Variants in SNRNP200 observed in about 807,000 individuals in gnomAD.
SNRNP200 encodes the protein small nuclear ribonucleoprotein U5 subunit 200, also known as U5 small nuclear ribonucleoprotein 200 kDa helicase.
SNRNP200 carries 66 observed loss-of-function variants against 255.2 expected under a neutral mutation model. That is an observed-to-expected ratio of 0.26 (90% CI 0.21 to 0.32). The LOEUF (loss-of-function observed/expected upper bound fraction) is 0.32. SNRNP200 is among the 10% of genes least tolerant of loss of function. SNRNP200 has a pLI of 1.00. For missense variants in SNRNP200, 1,585 were observed against 2,749.8 expected (o/e 0.58, Z 9.47); for synonymous variants, 939 against 1,027.8 (o/e 0.91, Z 1.65).
At chr2:96,302,834 G>C (rs537889308) in intron 3 of SNRNP200, among the ~76,000 whole-genome samples, 1 of 152,224 alleles carries the variant, frequency 6.6e-6, no homozygotes, top group East Asian at 1.9e-4. Flanking sequence ...AGATGGAAGA[G>C]GTACACAGGG....
chr2:96,275,303 T>C lies in SNRNP200; in HGVS notation c.6221A>G (p.Asn2074Ser). 1 of 1,614,044 alleles carries C rather than the reference T, an allele frequency of 6.2e-7. No individual in the cohort carries two copies. The highest frequency in any genetic ancestry group is 1.1e-5 in the South Asian group (1 of 91,082). The part of the protein sequence containing the change: ...WWVVIGDAKS[N>S]SLISIKRLTL... ...CAGCCTCTTGATGGAGATGAGGCTA[T>C]TGGACTTGGCATCTCCAATCACCAC... Residue 2074 changes from asparagine (N) to serine (S), a missense_variant, in exon 44 of 45, where the codon AAT (asparagine) becomes AGT (serine). Asn to Ser is a conservative substitution (Grantham distance 46). Transcript: ENST00000323853.
chr2:96,296,433 T>A (rs2063916875), intron 13 of SNRNP200, 103 bp downstream of exon 13: 3 of 1,144,288 alleles, frequency 2.6e-6, no homozygotes, highest in Non-Finnish European at 3.9e-6. Context: ...CCAGGAGGCA[T>A]GCCAGAGATG....
At chr2:96,284,925 T>C (rs2063834847) in intron 30 of SNRNP200, 1 of 545,164 alleles carries the variant, frequency 1.8e-6, no homozygotes, top group Admixed American at 2.9e-5. Flanking sequence ...AATTTCTGTA[T>C]TTTTAGTAGA....
chr2:96,276,420 A>ATTTTT (rs34749374), intron 43 of SNRNP200: 4 of 160,686 alleles, frequency 2.5e-5, no homozygotes, highest in Admixed American at 1.8e-4. Context: ...AGTCATCTAA[A>ATTTTT]TTTTTTTTTT....
In SNRNP200 at chr2:96,288,822, G is replaced by A. The variant is rs889595686; in HGVS notation, c.3175-76C>T. Reference sequence around the variant, plus strand: ...AGAAAGGGAATTACATTTCTGCTCTGAGCATCCAGGCCAGGTGAGATTTGC... The same window carrying A: ...AGAAAGGGAATTACATTTCTGCTCTAAGCATCCAGGCCAGGTGAGATTTGC... On this transcript the variant is annotated intron_variant, in intron 23 of 44. Coordinates refer to ENST00000323853, the MANE Select transcript of SNRNP200 (RefSeq NM_014014.5). The A allele has an allele frequency of 1.7e-5, 22 of 1,272,440 alleles. No individual in the cohort carries two copies. The African/African-American group carries it at 3.1e-4, about 18-fold the overall frequency. 78.8% of individuals were successfully genotyped at this position (1,272,440 alleles called of 1,614,324 possible). A position where few individuals can be genotyped will look rare whatever the true frequency, so the allele number is the denominator to read the frequency against.
chr2:96,289,671 T>C, intron 21 of SNRNP200, 128 bp downstream of exon 21: 2 of 872,704 alleles, frequency 2.3e-6, no homozygotes, highest in Non-Finnish European at 1.9e-6. Flanking sequence ...GCTACCCATT[T>C]TTCTGCTGTT....
chr2:96,299,185 A>C, intron 6 of SNRNP200, 144 bp downstream of exon 6: 1 of 965,848 alleles, frequency 1.0e-6, no homozygotes, highest in South Asian at 1.3e-5. Flanking sequence ...CAGAAATTTT[A>C]AGAAACTCTA....
rs1176400864 is a variant in SNRNP200, at chr2:96,274,582, CAG to C, written c.*428_*429del. The C allele has an allele frequency of 9.9e-6, 3 of 302,852 alleles. No homozygotes were observed. In the East Asian group the frequency reaches 2.6e-4, roughly 27 times the overall value. The allele number at this position is 302,852 out of a possible 1,614,324, so 18.8% of individuals were successfully genotyped here. A position where few individuals can be genotyped will look rare whatever the true frequency, so the allele number is the denominator to read the frequency against. The stretch of plus-strand genomic sequence containing the variant: ...TCCTCTGGGCTGACTCACGAGGCTA[CAG>C]GGGACAGCACACCTAATGAGCAGGT... On this transcript the variant is annotated 3_prime_UTR_variant, in exon 45 of 45. Transcript: ENST00000323853.
chr2:96,298,257 A>C, intron 9 of SNRNP200, 27 bp downstream of exon 9: 2 of 1,614,204 alleles, frequency 1.2e-6, no homozygotes, highest in Non-Finnish European at 1.7e-6. Context: ...CTCAGAAATC[A>C]GACAGATAAA....
In SNRNP200 at chr2:96,278,781, G is replaced by C; in HGVS notation, c.5323+28C>G. 1 of 1,614,146 alleles carries C rather than the reference G, an allele frequency of 6.2e-7. No homozygotes were observed. On this transcript the variant is annotated intron_variant, in intron 37 of 44. Coordinates refer to ENST00000323853, the MANE Select transcript of SNRNP200 (RefSeq NM_014014.5). This position sits in a 1 kb window ranked among gnomAD's most constrained non-coding sequence, Gnocchi z 6.9. ...GCAAAGACTGTGAGAACCACCAAAG[G>C]ATCACGTGTGCTCCCAAGCCCACTG...
chr2:96,304,997 T>C, intron 1 of SNRNP200, 129 bp from the exon 2 acceptor site: 1 of 1,098,680 alleles, frequency 9.1e-7, no homozygotes, highest in East Asian at 2.6e-5. Context: ...AATAAAAATA[T>C]ATTTTCCTTA....
intron 3 of SNRNP200, among the ~76,000 whole-genome samples, chr2:96,301,919 A>C (rs1405713992): frequency 6.6e-6 from 1 of 152,218 alleles, no homozygotes; most frequent in East Asian, 1.9e-4. Flanking sequence ...GGTGGCCTCA[A>C]GCAGCAGGAC....
intron 14 of SNRNP200, 42 bp from the exon 15 acceptor site, chr2:96,293,551 T>C (rs531611862): frequency 3.2e-6 from 5 of 1,562,954 alleles, no homozygotes; most frequent in East Asian, 4.5e-5. Flanking sequence ...GCACTAGAGA[T>C]ACATAGTCCC....
intron 5 of SNRNP200, among the ~76,000 whole-genome samples, chr2:96,300,222 T>C (rs989262102): frequency 6.6e-6 from 1 of 152,194 alleles, no homozygotes; most frequent in African/African-American, 2.4e-5. Flanking sequence ...TATTCCTATT[T>C]AGTTATATTC....
At chr2:96,279,273 G>T (rs1684720619) in intron 36 of SNRNP200, 178 bp downstream of exon 36, 1 of 672,982 alleles carries the variant, frequency 1.5e-6, no homozygotes, top group African/African-American at 1.8e-5. Context: ...AACGGCAGCA[G>T]CAAAAGCAAA....
In SNRNP200 at chr2:96,287,791, G is replaced by A; in HGVS notation, c.3365+72C>T. 7.7e-7 allele frequency: 1 copy of A among 1,298,858 alleles called. No individual in the cohort carries two copies. Among genetic ancestry groups the A allele is most frequent in the Non-Finnish European group, 1.1e-6 (1 of 892,488 alleles). 80.5% of individuals were successfully genotyped at this position (1,298,858 alleles called of 1,614,324 possible). A position where few individuals can be genotyped will look rare whatever the true frequency, so the allele number is the denominator to read the frequency against. The stretch of plus-strand genomic sequence containing the variant: ...GTCTGGAGATCAGATGCACCCTGAG[G>A]CTTTCCCATCAGACCCTTGGGTTGG... On this transcript the variant is annotated intron_variant, in intron 25 of 44. Transcript: ENST00000323853. The surrounding 1 kb of genome is among the most constrained non-coding windows in gnomAD (Gnocchi z 5.7).
intron 24 of SNRNP200, 129 bp downstream of exon 24, chr2:96,288,534 G>T (rs1341786995): frequency 1.2e-6 from 1 of 800,510 alleles, no homozygotes; most frequent in East Asian, 2.6e-5. Flanking sequence ...CAACTACCCG[G>T]CAAGAGCAGA....
At chr2:96,294,296 G>A (rs1318874604) in intron 14 of SNRNP200, among the ~76,000 whole-genome samples, 8 of 152,078 alleles carry the variant, frequency 5.3e-5, no homozygotes, top group African/African-American at 1.9e-4. Flanking sequence ...AAATTAGCTG[G>A]GCATGGTGGC....
intron 43 of SNRNP200, 106 bp from the exon 44 acceptor site, chr2:96,275,455 T>C: frequency 2.1e-6 from 2 of 932,116 alleles, no homozygotes; most frequent in South Asian, 1.3e-5. Context: ...CAGATAGCTT[T>C]CCAAAGTTTC....
Sources: gnomAD v4.1 joint callset for allele counts (sites outside exome capture counted in the v4.1 genomes callset) on GRCh38, gnomAD v4.1.1 for gene constraint, Gnocchi (gnomAD v3.1) non-coding constraint, MANE v1.5 for transcripts, NCBI Gene and HGNC (gene_info 2026-07-23, HGNC 2026-07-21) for gene names.